SHANK2: variants seen among roughly 807,000 people sequenced by gnomAD.
The protein encoded by SHANK2 is SH3 and multiple ankyrin repeat domains 2.
In SHANK2, 43 loss-of-function variants were observed where a neutral mutation model predicts 133.7. The ratio of observed to expected loss-of-function variants is 0.32; its 90% CI spans 0.25 to 0.41. The LOEUF (loss-of-function observed/expected upper bound fraction) is 0.41. SHANK2 is among the 10% of genes least tolerant of loss of function. SHANK2 has a pLI of 1.00. For missense variants in SHANK2, 1,994 were observed against 2,235.8 expected (o/e 0.89, Z 2.18); for synonymous variants, 1,017 against 952.8 (o/e 1.07, Z -1.24).
Position 70,747,333 on chromosome 11 carries a change from C to T in SHANK2, c.1778-48570G>A, listed in dbSNP as rs781844280. On this transcript the variant is annotated intron_variant, in intron 14 of 25. Coordinates refer to ENST00000601538, the MANE Select transcript of SHANK2 (RefSeq NM_012309.5). ...CCCTGGGCAGCAGGGATGGGAGGGA[C>T]CCGGGCAGTTACCAGCTGGCTACCC... is the stretch of plus-strand genomic sequence containing the variant. 5.9e-5 allele frequency among the ~76,000 whole-genome samples: 9 copies of T among 152,230 alleles called. No individual in the cohort carries two copies. In the South Asian group the frequency reaches 6.2e-4, roughly 11 times the overall value.
At chr11:71,144,399 T>C (rs1952608632) in intron 3 of SHANK2, among the ~76,000 whole-genome samples, 1 of 152,174 alleles carries the variant, frequency 6.6e-6, no homozygotes, top group South Asian at 2.1e-4. Context: ...TCCCTCATCT[T>C]CTGGGCAGAT....
intron 10 of SHANK2, among the ~76,000 whole-genome samples, chr11:70,937,175 G>A (rs1209529460): frequency 6.6e-6 from 1 of 152,214 alleles, no homozygotes; most frequent in African/African-American, 2.4e-5. Flanking sequence ...GATCGATAGA[G>A]CCTGTGTCTA....
intron 11 of SHANK2, among the ~76,000 whole-genome samples, chr11:70,859,132 G>A (rs2135494401): frequency 6.6e-6 from 1 of 152,314 alleles, no homozygotes; most frequent in East Asian, 1.9e-4. Flanking sequence ...GGATAGGTCG[G>A]TGGATGAATT....
At chr11:71,179,157 T>A (rs188231036) in intron 2 of SHANK2, among the ~76,000 whole-genome samples, 1 of 152,184 alleles carries the variant, frequency 6.6e-6, no homozygotes, top group Non-Finnish European at 1.5e-5. Context: ...ACATTCTTCA[T>A]GAACACAGAT....
intron 3 of SHANK2, among the ~76,000 whole-genome samples, chr11:71,122,180 T>A (rs1474929959): frequency 3.3e-5 from 5 of 152,174 alleles, no homozygotes; most frequent in Non-Finnish European, 7.3e-5. Flanking sequence ...CATGCCACCA[T>A]AAAGACACAT....
rs144335628 is a variant in SHANK2, at chr11:70,940,021, C to T, written c.1108-43454G>A. Among the ~76,000 whole-genome samples, 466 of 152,210 alleles carry T rather than the reference C, an allele frequency of 3.1e-3. 4 individuals carry two copies. In the East Asian group the frequency reaches 0.049, roughly 16 times the overall value. On this transcript the variant is annotated intron_variant, in intron 10 of 25. Coordinates refer to ENST00000601538, the MANE Select transcript of SHANK2 (RefSeq NM_012309.5). ...TGTGATGCTGCCACAAGCCAAGGAG[C>T]ACCAAGACTGCCCATCACCACCCAG...
At chr11:70,793,014 C>T (rs1267485265) in intron 14 of SHANK2, among the ~76,000 whole-genome samples, 1 of 152,128 alleles carries the variant, frequency 6.6e-6, no homozygotes, top group African/African-American at 2.4e-5. Flanking sequence ...CCTGATGGCA[C>T]CACTGCATTC....
intron 14 of SHANK2, among the ~76,000 whole-genome samples, chr11:70,768,692 C>T (rs1947178105): frequency 6.6e-6 from 1 of 152,178 alleles, no homozygotes; most frequent in Admixed American, 6.5e-5. Context: ...GGCAGGTTTC[C>T]CTCATCAGGA....
intron 17 of SHANK2, among the ~76,000 whole-genome samples, chr11:70,509,879 G>C (rs1202643938): frequency 6.6e-6 from 1 of 152,224 alleles, no homozygotes; most frequent in Non-Finnish European, 1.5e-5. Flanking sequence ...TGGACTTCTG[G>C]TCTCCCGAGC....
intron 13 of SHANK2, among the ~76,000 whole-genome samples, chr11:70,801,508 G>A (rs1032189799): frequency 3.3e-5 from 5 of 152,210 alleles, no homozygotes; most frequent in Admixed American, 6.5e-5. Context: ...GAACATCTGC[G>A]TCCAGGTAGG....
intron 15 of SHANK2, among the ~76,000 whole-genome samples, chr11:70,671,384 C>G (rs1944805176): frequency 6.6e-6 from 1 of 152,172 alleles, no homozygotes; most frequent in Admixed American, 6.5e-5. Context: ...GTTCCTCAAC[C>G]TCGTCGAGCG....
intron 15 of SHANK2, among the ~76,000 whole-genome samples, chr11:70,670,540 G>T (rs371357828): frequency 1.1e-3 from 175 of 152,288 alleles, no homozygotes; most frequent in South Asian, 8.1e-3. Flanking sequence ...GGGGCAGGCT[G>T]CGGGAGAACA....
chr11:71,208,797 G>C (rs1291372005), intron 2 of SHANK2, among the ~76,000 whole-genome samples: 1 of 152,124 alleles, frequency 6.6e-6, no homozygotes, highest in East Asian at 1.9e-4. Context: ...TTTTTATTGA[G>C]ACAGAAGTGC....
At chr11:70,761,918 GGCTGCT>G (rs200155164) in intron 14 of SHANK2, among the ~76,000 whole-genome samples, 13 of 151,802 alleles carry the variant, frequency 8.6e-5, no homozygotes, top group African/African-American at 2.4e-4. Flanking sequence ...GCAAGTTCCC[GGCTGCT>G]GCTGCTGCTG....
rs1230530454 is a variant in SHANK2, at chr11:70,784,349, T to TTTTTTTTG, written c.1777+14093_1777+14094insCAAAAAAA. ...TGCGCCACCACACCGGCTAGTTTTT[T>TTTTTTTTG]TTTTTTTTTTTTTTTTTTTTTTTTT... On this transcript the variant is annotated intron_variant, in intron 14 of 25. Coordinates refer to ENST00000601538, the MANE Select transcript of SHANK2 (RefSeq NM_012309.5). Among the ~76,000 whole-genome samples, 13 of 120,800 alleles carry TTTTTTTTG rather than the reference T, an allele frequency of 1.1e-4. 1 individual carries two copies. The highest frequency in any genetic ancestry group is 5.1e-4 in the African/African-American group (13 of 25,622). The allele number at this position is 120,800 out of a possible 152,430, so 79.2% of individuals were successfully genotyped here.
At chr11:70,885,113 T>C (rs1398973259) in intron 11 of SHANK2, among the ~76,000 whole-genome samples, 1 of 152,136 alleles carries the variant, frequency 6.6e-6, no homozygotes, top group African/African-American at 2.4e-5. Context: ...CAACACTTTT[T>C]CTAAGAGAAC....
chr11:70,473,279 G>C lies in SHANK2; in HGVS notation c.5140C>G (p.Pro1714Ala). The C allele has an allele frequency of 6.2e-7, 1 of 1,613,512 alleles. No individual in the cohort carries two copies. Among genetic ancestry groups the C allele is most frequent in the Non-Finnish European group, 8.5e-7 (1 of 1,179,544 alleles). Residue 1714 changes from proline to alanine, a missense_variant, in exon 26 of 26, where the codon CCA (proline) becomes GCA (alanine). Around this residue, in one of 5 missense-constraint regions of SHANK2, gnomAD observed 797 missense variants for 907.4 expected, o/e 0.88. Coordinates refer to ENST00000601538, the MANE Select transcript of SHANK2 (RefSeq NM_012309.5). This position sits in a 1 kb window ranked among gnomAD's most constrained non-coding sequence, Gnocchi z 5.9. ...TRRAPSPVVS[P>A]TEMNKETLPA... is the part of the protein sequence containing the mutation. Reference sequence around the variant, plus strand: ...AGGGTCTCTTTGTTCATCTCTGTTGGCGAGACCACAGGGCTTGGGGCACGT... The same window carrying C: ...AGGGTCTCTTTGTTCATCTCTGTTGCCGAGACCACAGGGCTTGGGGCACGT...
intron 11 of SHANK2, among the ~76,000 whole-genome samples, chr11:70,840,666 T>C (rs1019751857): frequency 6.6e-6 from 1 of 152,162 alleles, no homozygotes. Context: ...AGGAGAGTTC[T>C]TGGGACCTCA....
intron 15 of SHANK2, among the ~76,000 whole-genome samples, chr11:70,682,388 C>T (rs1490541602): frequency 6.6e-6 from 1 of 152,182 alleles, no homozygotes; most frequent in African/African-American, 2.4e-5. Context: ...GAGGAGGACA[C>T]AATGATGTTG....
Sources: allele counts gnomAD v4.1 joint callset (sites outside exome capture counted in the v4.1 genomes callset), GRCh38; gene constraint gnomAD v4.1.1; regional missense constraint gnomAD v4.1.1; non-coding constraint Gnocchi (gnomAD v3.1); transcripts MANE v1.5; gene names NCBI Gene and HGNC (gene_info 2026-07-23, HGNC 2026-07-21).